NUP133: variants seen among roughly 807,000 people sequenced by gnomAD.
The protein encoded by NUP133 is nuclear pore complex protein Nup133.
NUP133 carries 66 observed loss-of-function variants against 146.2 expected under a neutral mutation model. That is an observed-to-expected ratio of 0.45 (90% CI 0.37 to 0.55). The LOEUF (loss-of-function observed/expected upper bound fraction) is 0.55. NUP133 is among the 20% of genes least tolerant of loss of function. The pLI, the probability that NUP133 is intolerant of heterozygous loss-of-function variation, is 0.00. For missense variants in NUP133, 1,277 were observed against 1,374.8 expected (o/e 0.93, Z 1.12); for synonymous variants, 521 against 498.8 (o/e 1.04, Z -0.59).
intron 11 of NUP133, among the ~76,000 whole-genome samples, chr1:229,485,689 G>A (rs527838016): frequency 2.6e-5 from 4 of 152,218 alleles, no homozygotes; most frequent in African/African-American, 9.6e-5. Flanking sequence ...AGGAATATAT[G>A]TACATTACTT....
intron 2 of NUP133, among the ~76,000 whole-genome samples, chr1:229,503,458 C>T (rs915603903): frequency 6.6e-6 from 1 of 152,126 alleles, no homozygotes; most frequent in Non-Finnish European, 1.5e-5. Flanking sequence ...TTATTTAGTA[C>T]ATGGAGACAA....
chr1:229,488,076 C>A (rs1382301656), intron 9 of NUP133, among the ~76,000 whole-genome samples: 2 of 152,020 alleles, frequency 1.3e-5, no homozygotes, highest in African/African-American at 4.8e-5. Context: ...GAACTCCTGA[C>A]CTCAGGTGAT....
intron 12 of NUP133, among the ~76,000 whole-genome samples, chr1:229,480,824 T>C (rs562551528): frequency 6.6e-6 from 1 of 151,524 alleles, no homozygotes; most frequent in East Asian, 1.9e-4. Flanking sequence ...GTAGCTGAGA[T>C]TACAGGCATG....
intron 4 of NUP133, among the ~76,000 whole-genome samples, chr1:229,500,280 T>C (rs1291418556): frequency 6.6e-6 from 1 of 152,142 alleles, no homozygotes; most frequent in African/African-American, 2.4e-5. Context: ...CTTTTGGTGA[T>C]TTCCAAGAAC....
At chr1:229,470,935 T>C in intron 14 of NUP133, 131 bp from the exon 15 acceptor site, 1 of 704,954 alleles carries the variant, frequency 1.4e-6, no homozygotes. Context: ...TCCCTCCAGC[T>C]GTCTCTTGTT....
intron 15 of NUP133, among the ~76,000 whole-genome samples, chr1:229,467,923 CAAAAA>C (rs1368540952): frequency 1.4e-5 from 1 of 71,012 alleles, no homozygotes. Context: ...GACTCAGTCT[CAAAAA>C]AAAAAAAAAA....
Position 229,477,739 on chromosome 1 carries a change from T to C in NUP133, c.1614A>G (p.Gln538=). The C allele has an allele frequency of 6.2e-7, 1 of 1,613,370 alleles. No individual in the cohort carries two copies. The highest frequency in any genetic ancestry group is 1.1e-5 in the South Asian group (1 of 91,026). The part of the protein sequence containing the change: ...QYCRKDLGHA[Q]MVVDELFSSH... ...AGGAAAAGAGCTCATCAACCACCAT[T>C]TGAGCATGACCTAAATCTTTTCTGA... Residue 538 remains glutamine (Q), a synonymous_variant, in exon 13 of 26, where the codon CAA becomes CAG. Transcript: ENST00000261396.
chr1:229,461,473 A>G (rs1480368614), intron 19 of NUP133, among the ~76,000 whole-genome samples: 1 of 152,248 alleles, frequency 6.6e-6, no homozygotes. Flanking sequence ...GCTGAGACCG[A>G]GTCCTGGGCC....
chr1:229,501,221 T>C (rs183696304), intron 3 of NUP133, among the ~76,000 whole-genome samples: 41 of 152,282 alleles, frequency 2.7e-4, no homozygotes, highest in Admixed American at 1.7e-3. Context: ...CATCTGACAT[T>C]TAAAATTAGC....
intron 15 of NUP133, among the ~76,000 whole-genome samples, chr1:229,468,889 A>G (rs1660888091): frequency 6.6e-6 from 1 of 152,228 alleles, no homozygotes; most frequent in Non-Finnish European, 1.5e-5. Context: ...AAAACATAAC[A>G]AAGTGCTTTT....
intron 2 of NUP133, among the ~76,000 whole-genome samples, chr1:229,505,312 T>C (rs535565137): frequency 6.6e-6 from 1 of 152,042 alleles, no homozygotes; most frequent in Non-Finnish European, 1.5e-5. Context: ...TTATTATTAC[T>C]GTTGTTCATC....
intron 6 of NUP133, 137 bp downstream of exon 6, chr1:229,497,999 A>G: frequency 2.0e-6 from 1 of 510,880 alleles, no homozygotes; most frequent in Non-Finnish European, 3.3e-6. Context: ...TAATAAAAAT[A>G]GTTCACTAAA....
chr1:229,487,476 A>G lies in NUP133; in HGVS notation c.1332T>C (p.Phe444=), dbSNP rs1571931816. Residue 444 remains phenylalanine, a synonymous_variant, in exon 10 of 26, where the codon TTT becomes TTC. Transcript: ENST00000261396. ...KFSLPQEKIV[F]NAQGDSVLGA... Reference sequence around the variant, plus strand: ...AAACTGCTACTGTACCTTGTGCATTAAAGACAATTTTCTCCTGGGGAAGAG... The same window carrying G: ...AAACTGCTACTGTACCTTGTGCATTGAAGACAATTTTCTCCTGGGGAAGAG... The G allele has an allele frequency of 6.2e-7, 1 of 1,613,222 alleles. No homozygotes were observed.
At chr1:229,494,054 C>T (rs1045123585) in intron 8 of NUP133, among the ~76,000 whole-genome samples, 4 of 151,932 alleles carry the variant, frequency 2.6e-5, no homozygotes, top group African/African-American at 4.8e-5. Context: ...TCGCTTGAAC[C>T]GGGAGGCAAA....
At chr1:229,479,743 C>A (rs894398216) in intron 12 of NUP133, among the ~76,000 whole-genome samples, 3 of 152,100 alleles carry the variant, frequency 2.0e-5, no homozygotes, top group Non-Finnish European at 4.4e-5. Flanking sequence ...CACATAATGG[C>A]CCGGGTCATG....
chr1:229,481,353 T>C (rs1419004464), intron 12 of NUP133, among the ~76,000 whole-genome samples: 1 of 152,106 alleles, frequency 6.6e-6, no homozygotes, highest in Non-Finnish European at 1.5e-5. Context: ...GAAATAAGGT[T>C]TTTGCAGATA....
chr1:229,507,337 T>C (rs1164881207), intron 1 of NUP133, among the ~76,000 whole-genome samples: 2 of 152,228 alleles, frequency 1.3e-5, no homozygotes, highest in Admixed American at 6.5e-5. Flanking sequence ...TTGTGTTTCC[T>C]GCAGGGAAAA....
intron 14 of NUP133, among the ~76,000 whole-genome samples, chr1:229,473,882 CCACTG>C (rs1221541102): frequency 4.6e-5 from 7 of 151,868 alleles, no homozygotes; most frequent in Admixed American, 2.0e-4. Flanking sequence ...TGAGATTGCG[CCACTG>C]TACTCCAGCC....
In NUP133 at chr1:229,445,454, C is replaced by G. The variant is rs532833895; in HGVS notation, c.3246-452G>C. Among the ~76,000 whole-genome samples the G allele has an allele frequency of 3.0e-4, 45 of 152,260 alleles. No homozygotes were observed. The South Asian group carries it at 8.9e-3, about 30-fold the overall frequency. On this transcript the variant is annotated intron_variant, in intron 24 of 25. Coordinates refer to ENST00000261396, the MANE Select transcript of NUP133 (RefSeq NM_018230.3). ...ACCTCAGCCTCCCGAGTAGCTAGGACCATAGGCATGCAACCACTTTGTGCC... is the reference window on the plus strand; with the variant it reads ...ACCTCAGCCTCCCGAGTAGCTAGGAGCATAGGCATGCAACCACTTTGTGCC...
Sources: allele counts gnomAD v4.1 joint callset (sites outside exome capture counted in the v4.1 genomes callset), GRCh38; gene constraint gnomAD v4.1.1; transcripts MANE v1.5; gene names NCBI Gene and HGNC (gene_info 2026-07-23, HGNC 2026-07-21).